The following TLL2 variants were observed in gnomAD, a reference collection of about 807,000 sequenced individuals.
TLL2 encodes tolloid-like protein 2.
In TLL2, 106 loss-of-function variants were observed where a neutral mutation model predicts 123.0. That is an observed-to-expected ratio of 0.86 (90% CI 0.74 to 1.01). TLL2 has a LOEUF of 1.01. Ranked by LOEUF, TLL2 falls within the 50% of genes least tolerant of loss-of-function variation. TLL2 has a pLI of 0.00. For missense variants in TLL2, 1,332 were observed against 1,336.7 expected, an observed-to-expected ratio of 1.00 and a Z score of 0.06; for synonymous variants, 494 against 516.8, an observed-to-expected ratio of 0.96 and a Z score of 0.60.
At chr10:96,452,838 A>G (rs139911435) in intron 2 of TLL2, among the ~76,000 whole-genome samples, 5 of 152,370 alleles carry the variant, frequency 3.3e-5, no homozygotes, top group African/African-American at 1.2e-4. Flanking sequence ...TTCATTATTC[A>G]TTAGAAAAAA....
chr10:96,512,809 C>T (rs11188808), intron 1 of TLL2, among the ~76,000 whole-genome samples: 1,595 of 152,356 alleles, frequency 0.01, 34 homozygotes, highest in African/African-American at 0.036. Context: ...TCAGTGGCCC[C>T]GAGGAAGCGG....
At chr10:96,501,744 G>A (rs1467666639) in intron 1 of TLL2, among the ~76,000 whole-genome samples, 1 of 152,094 alleles carries the variant, frequency 6.6e-6, no homozygotes, top group Non-Finnish European at 1.5e-5. Flanking sequence ...TTCCAGACCC[G>A]CCTCAGAGCT....
chr10:96,407,819 G>A (rs191168551), intron 9 of TLL2, among the ~76,000 whole-genome samples: 19 of 152,248 alleles, frequency 1.2e-4, no homozygotes, highest in Admixed American at 3.9e-4. Context: ...GTGTGTGTGC[G>A]CGCACGCGTG....
intron 2 of TLL2, among the ~76,000 whole-genome samples, chr10:96,459,623 T>C (rs1249677500): frequency 2.5e-5 from 3 of 121,816 alleles, no homozygotes; most frequent in African/African-American, 6.3e-5. Flanking sequence ...TCAACCAAAA[T>C]TGTGCCACTG....
intron 13 of TLL2, among the ~76,000 whole-genome samples, chr10:96,393,582 G>A (rs1162825605): frequency 6.6e-6 from 1 of 152,206 alleles, no homozygotes; most frequent in Non-Finnish European, 1.5e-5. Context: ...CCCCAGGCTG[G>A]GAGACACCAG....
intron 18 of TLL2, 106 bp from the exon 19 acceptor site, chr10:96,373,915 C>T (rs1344106516): frequency 1.4e-5 from 13 of 961,066 alleles, no homozygotes; most frequent in East Asian, 2.5e-5. Flanking sequence ...TGCAGGGAGA[C>T]GTCCAGCTGG....
At chr10:96,472,899 C>G (rs1046237266) in intron 2 of TLL2, among the ~76,000 whole-genome samples, 3 of 152,194 alleles carry the variant, frequency 2.0e-5, no homozygotes, top group Admixed American at 2.0e-4. Context: ...CATTGGGTAT[C>G]TCTTGGGTAT....
intron 1 of TLL2, among the ~76,000 whole-genome samples, chr10:96,498,910 A>G (rs891553601): frequency 6.6e-6 from 1 of 152,218 alleles, no homozygotes; most frequent in Non-Finnish European, 1.5e-5. Context: ...CCCAGAATGG[A>G]GACCTCCAGA....
intron 2 of TLL2, among the ~76,000 whole-genome samples, chr10:96,449,409 T>C (rs1389848192): frequency 6.6e-6 from 1 of 152,204 alleles, no homozygotes; most frequent in Non-Finnish European, 1.5e-5. Flanking sequence ...TATGAAGTCA[T>C]GGGTCTAGCT....
chr10:96,369,494 C>T (rs1230742697), intron 20 of TLL2, among the ~76,000 whole-genome samples: 1 of 152,112 alleles, frequency 6.6e-6, no homozygotes, highest in Non-Finnish European at 1.5e-5. Flanking sequence ...CGCATGGTGG[C>T]TCACGCCTGT....
chr10:96,467,695 G>C (rs1847143667), intron 2 of TLL2, among the ~76,000 whole-genome samples: 1 of 152,094 alleles, frequency 6.6e-6, no homozygotes, highest in African/African-American at 2.4e-5. Context: ...TTCTGCTTTA[G>C]ATATCAACTA....
chr10:96,448,770 CGGGG>C (rs986249743), intron 2 of TLL2, among the ~76,000 whole-genome samples: 17 of 151,752 alleles, frequency 1.1e-4, no homozygotes, highest in Admixed American at 2.0e-4. Flanking sequence ...TGTGCTTGGC[CGGGG>C]GGAGGTGGGT....
At chr10:96,389,050 T>A (rs1846261917) in intron 13 of TLL2, among the ~76,000 whole-genome samples, 1 of 152,150 alleles carries the variant, frequency 6.6e-6, no homozygotes, top group African/African-American at 2.4e-5. Context: ...CCTTACCAAA[T>A]TGAAAGTATT....
chr10:96,418,644 G>A (rs1013786469), intron 7 of TLL2, among the ~76,000 whole-genome samples: 1 of 151,444 alleles, frequency 6.6e-6, no homozygotes, highest in Admixed American at 6.6e-5. Flanking sequence ...AAGGATCTCA[G>A]TCTACTGCCA....
chr10:96,419,428 T>TC (rs1846598150), intron 7 of TLL2, among the ~76,000 whole-genome samples: 1 of 151,586 alleles, frequency 6.6e-6, no homozygotes, highest in South Asian at 2.1e-4. Flanking sequence ...AGGCAAGGGG[T>TC]CACAGGAGAA....
intron 15 of TLL2, among the ~76,000 whole-genome samples, chr10:96,385,804 C>T (rs2134057792): frequency 6.6e-6 from 1 of 152,366 alleles, no homozygotes; most frequent in Non-Finnish European, 1.5e-5. Context: ...ATATCTGCCT[C>T]TTCCACTCTT....
chr10:96,388,773 T>G (rs781249900), intron 13 of TLL2, among the ~76,000 whole-genome samples: 1 of 152,218 alleles, frequency 6.6e-6, no homozygotes, highest in Non-Finnish European at 1.5e-5. Context: ...ATGCACAGAC[T>G]CCTCATCAAC....
intron 10 of TLL2, among the ~76,000 whole-genome samples, chr10:96,402,178 T>A (rs992988848): frequency 6.6e-6 from 1 of 152,210 alleles, no homozygotes; most frequent in Non-Finnish European, 1.5e-5. Context: ...CCTGAATGTG[T>A]TCTTACAAAA....
intron 11 of TLL2, 55 bp from the exon 12 acceptor site, chr10:96,396,075 A>G: frequency 6.3e-7 from 1 of 1,581,424 alleles, no homozygotes; most frequent in Non-Finnish European, 8.6e-7. Flanking sequence ...GATCTTACTT[A>G]GGAAGGAAGG....
Sources: gnomAD v4.1 joint callset for allele counts (sites outside exome capture counted in the v4.1 genomes callset) on GRCh38, gnomAD v4.1.1 for gene constraint, MANE v1.5 for transcripts, NCBI Gene and HGNC (gene_info 2026-07-23, HGNC 2026-07-21) for gene names.